The following TCP11L1 variants were observed in gnomAD, a reference collection of about 807,000 sequenced individuals.
TCP11L1 encodes t-complex 11 like 1, also known as T-complex protein 11-like protein 1.
TCP11L1 carries 28 observed loss-of-function variants against 48.9 expected under a neutral mutation model. The observed-to-expected ratio is 0.57, with a 90% CI of 0.42 to 0.78. TCP11L1 has a LOEUF of 0.78. Ranked by LOEUF, TCP11L1 falls within the 30% of genes least tolerant of loss-of-function variation. The pLI is 0.00. For synonymous variants in TCP11L1, 204 were observed against 231.9 expected, an observed-to-expected ratio of 0.88 and a Z score of 1.09; for missense variants, 505 against 613.4, an observed-to-expected ratio of 0.82 and a Z score of 1.87.
chr11:33,061,979 G>A (rs1050099451), intron 7 of TCP11L1, among the ~76,000 whole-genome samples: 6 of 152,118 alleles, frequency 3.9e-5, no homozygotes, highest in Non-Finnish European at 8.8e-5. Flanking sequence ...CTACTTGGGA[G>A]GCTGAGGCAG....
At chr11:33,041,096 T>C (rs1190332050) in intron 1 of TCP11L1, 2 of 152,188 alleles carry the variant, frequency 1.3e-5, no homozygotes, top group African/African-American at 2.4e-5. Flanking sequence ...AAAGGTGCAA[T>C]CACTGGTGAG....
intron 9 of TCP11L1, among the ~76,000 whole-genome samples, chr11:33,072,190 G>T (rs1174068928): frequency 6.6e-6 from 1 of 152,170 alleles, no homozygotes; most frequent in Non-Finnish European, 1.5e-5. Flanking sequence ...AGCTTCTCCT[G>T]GGAGCTGGGT....
chr11:33,040,400 G>A (rs6484628), intron 1 of TCP11L1: 61,990 of 152,054 alleles, frequency 0.41, 12,826 homozygotes, highest in African/African-American at 0.46. Flanking sequence ...AGGTAGCTGT[G>A]TTTTACAGAG....
At position 33,054,608 on chromosome 11, in the gene TCP11L1, T is replaced by A; in HGVS notation, c.179T>A (p.Phe60Tyr). ...TCTGTTACAGCTAGTCCTCCTCGCT[T>A]TGTGACAGTAGAAGAACTTCTAGAG... ...VQRPHSSPPR[F>Y]VTVEELLETA... is the part of the protein sequence containing the mutation. Residue 60 changes from phenylalanine to tyrosine, a missense_variant, in exon 3 of 10, where the codon TTT (phenylalanine) becomes TAT (tyrosine). Phe to Tyr is a conservative substitution (Grantham distance 22). Transcript: ENST00000334274. 2 of 1,613,108 alleles carry A rather than the reference T, an allele frequency of 1.2e-6. No homozygotes were observed. Among genetic ancestry groups the A allele is most frequent in the Non-Finnish European group, 1.7e-6 (2 of 1,179,732 alleles).
intron 2 of TCP11L1, 130 bp from the exon 3 acceptor site, chr11:33,054,463 A>G: frequency 1.8e-6 from 2 of 1,101,626 alleles, no homozygotes; most frequent in Non-Finnish European, 2.6e-6. Flanking sequence ...CTGTTTGAAA[A>G]TGCCAGAACA....
At chr11:33,057,404 A>T (rs1334327006) in intron 4 of TCP11L1, among the ~76,000 whole-genome samples, 169 bp downstream of exon 4, 1 of 152,224 alleles carries the variant, frequency 6.6e-6, no homozygotes, top group Non-Finnish European at 1.5e-5. Context: ...TTTTAAAAAA[A>T]AGTTTTAAGC....
At chr11:33,041,918 CTT>C (rs1853845647) in intron 1 of TCP11L1, among the ~76,000 whole-genome samples, 1 of 152,196 alleles carries the variant, frequency 6.6e-6, no homozygotes, top group Non-Finnish European at 1.5e-5. Context: ...GTTGACATTT[CTT>C]TTGATCACCT....
chr11:33,061,381 C>G, intron 6 of TCP11L1, 149 bp from the exon 7 acceptor site: 1 of 780,800 alleles, frequency 1.3e-6, no homozygotes, highest in Non-Finnish European at 1.9e-6. Context: ...GTCATTGGCA[C>G]TACTATGATT....
intron 6 of TCP11L1, among the ~76,000 whole-genome samples, chr11:33,060,195 C>T (rs763288105): frequency 6.6e-6 from 1 of 152,014 alleles, no homozygotes; most frequent in Non-Finnish European, 1.5e-5. Context: ...CTGCAACCTC[C>T]GCTAGGCAGA....
chr11:33,068,615 C>T (rs910483232), intron 8 of TCP11L1, 72 bp from the exon 9 acceptor site: 48 of 1,536,494 alleles, frequency 3.1e-5, no homozygotes, highest in Admixed American at 3.6e-5. Context: ...CATTCTCACC[C>T]GGGTGTGGGC....
chr11:33,042,126 T>TTTTTG (rs1554940753), intron 1 of TCP11L1, among the ~76,000 whole-genome samples: 3 of 152,062 alleles, frequency 2.0e-5, no homozygotes, highest in Admixed American at 1.3e-4. Context: ...AACAGGGTTT[T>TTTTTG]TTTGTTTGTT....
intron 5 of TCP11L1, 72 bp downstream of exon 5, chr11:33,058,211 T>TG: frequency 7.2e-7 from 1 of 1,383,906 alleles, no homozygotes; most frequent in Non-Finnish European, 9.6e-7. Flanking sequence ...CTTTTCTTTT[T>TG]TTTTTGAGAC....
chr11:33,046,087 G>A (rs773969652), intron 2 of TCP11L1, among the ~76,000 whole-genome samples: 1 of 152,256 alleles, frequency 6.6e-6, no homozygotes, highest in Non-Finnish European at 1.5e-5. Flanking sequence ...TTCAAGCCAC[G>A]AAGGGTTTTA....
intron 3 of TCP11L1, 115 bp downstream of exon 3, chr11:33,054,840 A>G: frequency 8.1e-7 from 1 of 1,227,882 alleles, no homozygotes; most frequent in Non-Finnish European, 1.1e-6. Flanking sequence ...TTTGTACATT[A>G]TTGCTAAAAA....
chr11:33,053,201 A>G (rs548135828), intron 2 of TCP11L1, among the ~76,000 whole-genome samples: 13 of 148,828 alleles, frequency 8.7e-5, no homozygotes, highest in Middle Eastern at 3.5e-3. Flanking sequence ...CTGGAGTGCA[A>G]TGGTGTGATC....
Position 33,039,585 on chromosome 11 carries a change from C to T in TCP11L1, c.-232C>T, listed in dbSNP as rs1403481250. ...CCGGCCAAGAGCAGTCTCCTCCTTC[C>T]TGATGCTGAGAAGCGGCCGCTCTGA... On this transcript the variant is annotated 5_prime_UTR_variant, in exon 1 of 10. Coordinates refer to ENST00000334274, the MANE Select transcript of TCP11L1 (RefSeq NM_018393.4). The T allele has an allele frequency of 6.6e-6, 1 of 152,352 alleles. No homozygotes were observed. The allele number at this position is 152,352 out of a possible 1,614,324, so 9.4% of individuals were successfully genotyped here.
intron 2 of TCP11L1, among the ~76,000 whole-genome samples, chr11:33,053,805 G>C (rs188535347): frequency 6.6e-6 from 1 of 152,110 alleles, no homozygotes; most frequent in Admixed American, 6.6e-5. Flanking sequence ...TAAAGGACTT[G>C]ATGGTATTTT....
chr11:33,056,645 C>G, intron 3 of TCP11L1: 1 of 241,810 alleles, frequency 4.1e-6, no homozygotes, highest in Non-Finnish European at 8.5e-6. Flanking sequence ...TCACTGCAAC[C>G]TCTGGCCAGG....
chr11:33,072,417 G>C (rs182801429), intron 9 of TCP11L1, 57 bp from the exon 10 acceptor site: 8 of 1,586,500 alleles, frequency 5.0e-6, no homozygotes, highest in East Asian at 4.5e-5. Flanking sequence ...CTGAAGCACA[G>C]TAAGGTTTGT....
Sources: gnomAD v4.1 joint callset for allele counts (sites outside exome capture counted in the v4.1 genomes callset) on GRCh38, gnomAD v4.1.1 for gene constraint, MANE v1.5 for transcripts, NCBI Gene and HGNC (gene_info 2026-07-23, HGNC 2026-07-21) for gene names.